The following PRKCE variants were observed in gnomAD, a reference collection of about 807,000 sequenced individuals.
PRKCE encodes protein kinase C epsilon type.
Under a neutral mutation model 85.4 loss-of-function variants are expected in PRKCE, and 16 were observed. That is an observed-to-expected ratio of 0.19 (90% confidence interval 0.13 to 0.28). The LOEUF is 0.28. Ranked by LOEUF, PRKCE falls within the 10% of genes least tolerant of loss-of-function variation. The pLI, the probability that PRKCE is intolerant of heterozygous loss-of-function variation, is 1.00. For synonymous variants in PRKCE, 388 were observed against 371.5 expected, an observed-to-expected ratio of 1.04 and a Z score of -0.51; for missense variants, 573 against 975.2, an observed-to-expected ratio of 0.59 and a Z score of 5.49.
At chr2:46,104,644 G>C (rs770893555) in intron 11 of PRKCE, among the ~76,000 whole-genome samples, 1 of 152,134 alleles carries the variant, frequency 6.6e-6, no homozygotes, top group Non-Finnish European at 1.5e-5. Flanking sequence ...AGACCACTTT[G>C]ACTTCTTTGA....
intron 1 of PRKCE, among the ~76,000 whole-genome samples, chr2:45,751,880 G>C (rs1683599465): frequency 7.3e-6 from 1 of 137,068 alleles, no homozygotes; most frequent in Admixed American, 7.5e-5. Context: ...TGCAGTGGCG[G>C]GATCTCGGCT....
At chr2:45,703,837 CA>C (rs933417400) in intron 1 of PRKCE, among the ~76,000 whole-genome samples, 1 of 152,100 alleles carries the variant, frequency 6.6e-6, no homozygotes, top group Non-Finnish European at 1.5e-5. Context: ...TCACTCATAA[CA>C]AAAAAATTCC....
chr2:46,089,799 G>A (rs1169091810), intron 11 of PRKCE, among the ~76,000 whole-genome samples: 6 of 152,084 alleles, frequency 3.9e-5, no homozygotes, highest in African/African-American at 4.8e-5. Flanking sequence ...GGCCCCGATG[G>A]CCATGATGAC....
chr2:46,068,823 G>A lies in PRKCE; in HGVS notation c.1438-17385G>A, dbSNP rs983741928. ...GTGATATTAAAAGAGATCAGCTCAA[G>A]TAGGGACTTGTGAGATACCAGATTG... On this transcript the variant is annotated intron_variant, in intron 10 of 14. Coordinates refer to ENST00000306156, the MANE Select transcript of PRKCE (RefSeq NM_005400.3). The surrounding 1 kb of genome is among the most constrained non-coding windows in gnomAD (Gnocchi z 4.3). 2.6e-5 allele frequency among the ~76,000 whole-genome samples: 4 copies of A among 152,204 alleles called. No homozygotes were observed. The highest frequency in any genetic ancestry group is 9.7e-5 in the African/African-American group (4 of 41,446).
chr2:45,657,693 TG>T (rs1203390792), intron 1 of PRKCE, among the ~76,000 whole-genome samples: 3 of 152,188 alleles, frequency 2.0e-5, no homozygotes, highest in Non-Finnish European at 4.4e-5. Context: ...ATTTCTGGTT[TG>T]TATTTCCCAA....
intron 10 of PRKCE, among the ~76,000 whole-genome samples, chr2:46,083,738 C>A (rs1178863628): frequency 1.3e-5 from 2 of 152,220 alleles, no homozygotes; most frequent in Non-Finnish European, 2.9e-5. Context: ...AACCAGATAT[C>A]TGAGTTGGGG....
At chr2:45,901,761 G>A (rs1050281671) in intron 2 of PRKCE, among the ~76,000 whole-genome samples, 1 of 152,210 alleles carries the variant, frequency 6.6e-6, no homozygotes, top group Non-Finnish European at 1.5e-5. Flanking sequence ...GAAGATTAAA[G>A]TTCCCTGAAG....
At chr2:45,874,821 C>A (rs913881711) in intron 2 of PRKCE, among the ~76,000 whole-genome samples, 1 of 152,134 alleles carries the variant, frequency 6.6e-6, no homozygotes, top group Non-Finnish European at 1.5e-5. Context: ...TCAGAATATG[C>A]CACCAAACAG....
At chr2:46,086,968 G>A (rs567572438) in intron 11 of PRKCE, among the ~76,000 whole-genome samples, 13 of 152,086 alleles carry the variant, frequency 8.5e-5, no homozygotes, top group South Asian at 2.1e-4. Flanking sequence ...ACATGCACGC[G>A]CACACTGATT....
At chr2:45,846,825 G>A (rs1195387207) in intron 2 of PRKCE, among the ~76,000 whole-genome samples, 1 of 152,214 alleles carries the variant, frequency 6.6e-6, no homozygotes, top group African/African-American at 2.4e-5. Context: ...GCTAGGCCAG[G>A]ATTGTCATAA....
At chr2:45,941,497 A>C (rs958597602) in intron 2 of PRKCE, among the ~76,000 whole-genome samples, 1 of 152,316 alleles carries the variant, frequency 6.6e-6, no homozygotes, top group Admixed American at 6.5e-5. Flanking sequence ...GGATGTTTAT[A>C]AAGCGTTAGA....
chr2:46,117,381 T>C (rs1205776625), intron 11 of PRKCE, among the ~76,000 whole-genome samples: 1 of 152,156 alleles, frequency 6.6e-6, no homozygotes, highest in Non-Finnish European at 1.5e-5. Flanking sequence ...AGATCTGATT[T>C]CTGAAAATCA....
chr2:45,979,044 C>T, intron 4 of PRKCE, 34 bp downstream of exon 4: 1 of 1,594,612 alleles, frequency 6.3e-7, no homozygotes, highest in East Asian at 2.2e-5. Context: ...TCTTCAGAGG[C>T]CCGTGGTTAG....
chr2:46,058,093 A>C (rs901099753), intron 10 of PRKCE, among the ~76,000 whole-genome samples: 2 of 152,216 alleles, frequency 1.3e-5, no homozygotes, highest in Non-Finnish European at 2.9e-5. Context: ...TTTCCTCTGC[A>C]CTTTGTAGTT....
chr2:45,673,517 G>A (rs1046031112), intron 1 of PRKCE, among the ~76,000 whole-genome samples: 4 of 152,212 alleles, frequency 2.6e-5, no homozygotes, highest in Non-Finnish European at 4.4e-5. Context: ...CACTGTCTTA[G>A]AATCTGGACC....
At chr2:45,826,994 G>A (rs1689991179) in intron 1 of PRKCE, among the ~76,000 whole-genome samples, 1 of 152,150 alleles carries the variant, frequency 6.6e-6, no homozygotes, top group Non-Finnish European at 1.5e-5. Context: ...TCTCCATGCA[G>A]CCACCTTTTA....
chr2:45,850,678 G>A (rs978787215), intron 2 of PRKCE, among the ~76,000 whole-genome samples: 9 of 152,158 alleles, frequency 5.9e-5, no homozygotes, highest in African/African-American at 1.9e-4. Flanking sequence ...TCACAAGCAA[G>A]TGCATTCACC....
intron 10 of PRKCE, among the ~76,000 whole-genome samples, chr2:46,067,236 C>A (rs1309099582): frequency 2.0e-5 from 3 of 152,224 alleles, no homozygotes; most frequent in Admixed American, 1.3e-4. Flanking sequence ...ATCACCATAT[C>A]CTATTTGAAC....
At chr2:45,971,201 C>G (rs904083493) in intron 2 of PRKCE, among the ~76,000 whole-genome samples, 2 of 152,176 alleles carry the variant, frequency 1.3e-5, no homozygotes, top group African/African-American at 2.4e-5. Flanking sequence ...CTGGCCACCA[C>G]CATTCTGCTC....
Sources: allele counts gnomAD v4.1 joint callset (sites outside exome capture counted in the v4.1 genomes callset), GRCh38; gene constraint gnomAD v4.1.1; non-coding constraint Gnocchi (gnomAD v3.1); transcripts MANE v1.5; gene names NCBI Gene and HGNC (gene_info 2026-07-23, HGNC 2026-07-21).